Variants in GRM7 observed in about 807,000 individuals in gnomAD.
GRM7 encodes metabotropic glutamate receptor 7.
In GRM7, 35 loss-of-function variants were observed where a neutral mutation model predicts 84.5. The ratio of observed to expected loss-of-function variants is 0.41; its 90% CI spans 0.32 to 0.55. The LOEUF (loss-of-function observed/expected upper bound fraction) is 0.55, where lower values mean the gene tolerates loss of function less well. GRM7 is among the 20% of genes least tolerant of loss of function. The pLI is 0.19. For synonymous variants in GRM7, 487 were observed against 455.1 expected (o/e 1.07, Z -0.89); for missense variants, 1,003 against 1,194.6 (o/e 0.84, Z 2.36).
chr3:7,021,087 G>A (rs1427687503), intron 1 of GRM7, among the ~76,000 whole-genome samples: 1 of 152,080 alleles, frequency 6.6e-6, no homozygotes, highest in African/African-American at 2.4e-5. Flanking sequence ...AATGATTCAT[G>A]ACACCTTATT....
chr3:7,542,443 A>T (rs1575473449), intron 7 of GRM7, among the ~76,000 whole-genome samples: 2 of 151,514 alleles, frequency 1.3e-5, no homozygotes, highest in South Asian at 4.2e-4. Flanking sequence ...TTAATTTAAG[A>T]TTTCACCTCC....
chr3:7,183,602 G>C (rs1408929210), intron 2 of GRM7, among the ~76,000 whole-genome samples: 1 of 152,058 alleles, frequency 6.6e-6, no homozygotes, highest in Non-Finnish European at 1.5e-5. Flanking sequence ...ACTCCAGCCT[G>C]GGTGACAGCA....
chr3:7,434,165 G>A (rs767266138), intron 5 of GRM7, among the ~76,000 whole-genome samples: 13 of 152,214 alleles, frequency 8.5e-5, no homozygotes, highest in Non-Finnish European at 1.6e-4. Context: ...TCTGTATGTA[G>A]ACCTTGAATA....
chr3:6,896,318 A>AT (rs1696181130), intron 1 of GRM7, among the ~76,000 whole-genome samples: 1 of 152,190 alleles, frequency 6.6e-6, no homozygotes, highest in Non-Finnish European at 1.5e-5. Flanking sequence ...GAATGAAAGA[A>AT]TTATGTGTCT....
intron 1 of GRM7, among the ~76,000 whole-genome samples, chr3:7,136,547 C>T (rs376430123): frequency 4.8e-5 from 7 of 146,422 alleles, no homozygotes; most frequent in African/African-American, 1.6e-4. Context: ...AAAAGTATGC[C>T]GAGGAAAAGA....
intron 3 of GRM7, among the ~76,000 whole-genome samples, chr3:7,300,639 A>G (rs1454012881): frequency 6.6e-6 from 1 of 151,800 alleles, no homozygotes; most frequent in Non-Finnish European, 1.5e-5. Context: ...CTCCCTCCCA[A>G]TTCTGCATGC....
At chr3:7,512,740 A>G (rs894789259) in intron 7 of GRM7, among the ~76,000 whole-genome samples, 1 of 152,102 alleles carries the variant, frequency 6.6e-6, no homozygotes, top group African/African-American at 2.4e-5. Flanking sequence ...AAACATTTTT[A>G]TCCAACCTGG....
rs758344866 is a variant in GRM7 at position 6,907,950 on chromosome 3, C to G, written c.519+46043C>G. Among the ~76,000 whole-genome samples the G allele has an allele frequency of 2.6e-5, 4 of 152,242 alleles. No homozygotes were observed. The East Asian group carries it at 7.7e-4, about 29-fold the overall frequency. On this transcript the variant is annotated intron_variant, in intron 1 of 9. Coordinates refer to ENST00000357716, the MANE Select transcript of GRM7 (RefSeq NM_000844.4). ...GGTTATTCTTAATGTATTGATCTCT[C>G]TTTCCCTCTCTGCTTTCCCTCCCTT... is the stretch of plus-strand genomic sequence containing the variant.
Position 7,677,262 on chromosome 3 carries a change from T to TAAAAA in GRM7, c.2452-2759_2452-2755dup, listed in dbSNP as rs557488794. 8.9e-3 allele frequency among the ~76,000 whole-genome samples: 319 copies of TAAAAA among 35,758 alleles called. 4 individuals carry two copies. Among genetic ancestry groups the TAAAAA allele is most frequent in the East Asian group, 0.033 (70 of 2,122 alleles). 23.5% of individuals were successfully genotyped at this position (35,758 alleles called of 152,430 possible). ...GGGCAATAGAGGGAGACTCTGTCTT[T>TAAAAA]AAAAAAAAAAAAAAAAAAAAAAAAA... On this transcript the variant is annotated intron_variant, in intron 8 of 9. Transcript: ENST00000357716.
In GRM7 at chr3:7,434,261, C is replaced by T. The variant is rs181181737; in HGVS notation, c.1175-18346C>T. Among the ~76,000 whole-genome samples the T allele has an allele frequency of 7.9e-5, 12 of 152,268 alleles. No individual in the cohort carries two copies. In the East Asian group the frequency reaches 2.3e-3, roughly 29 times the overall value. ...ATATAGATGATCACATCATCTGACA[C>T]AGTGCTTTCTTATTTCAGTGCATTT... On this transcript the variant is annotated intron_variant, in intron 5 of 9. Transcript: ENST00000357716.
At chr3:7,233,019 T>G (rs375706165) in intron 2 of GRM7, among the ~76,000 whole-genome samples, 28 of 152,296 alleles carry the variant, frequency 1.8e-4, no homozygotes, top group East Asian at 5.8e-4. Flanking sequence ...CATGACCATA[T>G]GAAGAGTGGT....
intron 8 of GRM7, among the ~76,000 whole-genome samples, chr3:7,586,211 C>G (rs1471147894): frequency 1.3e-5 from 2 of 152,142 alleles, no homozygotes; most frequent in Admixed American, 6.5e-5. Flanking sequence ...AACTAGAACA[C>G]TCATATACTG....
chr3:7,037,735 T>G (rs918447068), intron 1 of GRM7, among the ~76,000 whole-genome samples: 2 of 152,194 alleles, frequency 1.3e-5, no homozygotes, highest in African/African-American at 2.4e-5. Context: ...TACAAATATT[T>G]TAATTTCCTC....
At chr3:7,733,839 T>A (rs1347969147) in intron 9 of GRM7, among the ~76,000 whole-genome samples, 1 of 152,166 alleles carries the variant, frequency 6.6e-6, no homozygotes, top group Admixed American at 6.5e-5. Flanking sequence ...AAAGTATACC[T>A]TTATATTGCC....
chr3:7,735,048 CA>C (rs3840230), intron 9 of GRM7, among the ~76,000 whole-genome samples: 1 of 151,456 alleles, frequency 6.6e-6, no homozygotes, highest in Non-Finnish European at 1.5e-5. Flanking sequence ...GAAGTAATTA[CA>C]AAAAAAAGTA....
At chr3:7,732,440 G>C (rs1039138867) in intron 9 of GRM7, among the ~76,000 whole-genome samples, 3 of 152,104 alleles carry the variant, frequency 2.0e-5, no homozygotes, top group Non-Finnish European at 4.4e-5. Context: ...GGGTGCAGCA[G>C]GAACATCTCA....
intron 7 of GRM7, among the ~76,000 whole-genome samples, chr3:7,515,594 TG>T (rs1195351006): frequency 2.0e-5 from 3 of 152,202 alleles, no homozygotes; most frequent in Admixed American, 6.5e-5. Context: ...CTGGCTATGA[TG>T]GTTATCCTTT....
At chr3:7,004,455 G>T (rs987234934) in intron 1 of GRM7, among the ~76,000 whole-genome samples, 4 of 152,122 alleles carry the variant, frequency 2.6e-5, no homozygotes, top group African/African-American at 9.6e-5. Context: ...CAATCTCTTT[G>T]GTTATGATTA....
At chr3:6,873,579 G>A (rs1411504917) in intron 1 of GRM7, among the ~76,000 whole-genome samples, 1 of 152,154 alleles carries the variant, frequency 6.6e-6, no homozygotes, top group African/African-American at 2.4e-5. Flanking sequence ...GTTAAATGAG[G>A]TTCTTCATGG....
Sources: allele counts gnomAD v4.1 joint callset (sites outside exome capture counted in the v4.1 genomes callset), GRCh38; gene constraint gnomAD v4.1.1; transcripts MANE v1.5; gene names NCBI Gene and HGNC (gene_info 2026-07-23, HGNC 2026-07-21).